MYO3A: variants seen among roughly 807,000 people sequenced by gnomAD.
The protein encoded by MYO3A is myosin-IIIa.
A neutral mutation model predicts 192.7 loss-of-function variants in MYO3A; 180 were observed. That is an observed-to-expected ratio of 0.93 (90% CI 0.83 to 1.06). The LOEUF (loss-of-function observed/expected upper bound fraction) is 1.06. Among genes scored for constraint, MYO3A ranks in the 50% least tolerant of loss-of-function variants. The probability of loss-of-function intolerance (pLI) is 0.00; values close to 1 mark genes in which losing one functional copy is unlikely to be tolerated. For missense variants in MYO3A, 1,896 were observed against 1,905.0 expected, an observed-to-expected ratio of 1.00 and a Z score of 0.09; for synonymous variants, 628 against 645.3, an observed-to-expected ratio of 0.97 and a Z score of 0.41.
intron 19 of MYO3A, 79 bp downstream of exon 19, chr10:26,125,687 G>A (rs1368970205): frequency 5.8e-6 from 7 of 1,215,774 alleles, no homozygotes; most frequent in Non-Finnish European, 8.5e-6. Flanking sequence ...GTTTTGTATA[G>A]ATCTCTTTCA....
chr10:26,113,407 T>C (rs1838311140), intron 17 of MYO3A, among the ~76,000 whole-genome samples: 1 of 151,360 alleles, frequency 6.6e-6, no homozygotes, highest in African/African-American at 2.4e-5. Context: ...GAGGTGGAGG[T>C]TGCAGTGAGC....
rs201464088 is a variant in MYO3A at position 26,096,370 on chromosome 10, T to G, written c.1563-11T>G. 6.4e-7 allele frequency: 1 copy of G among 1,559,916 alleles called. No individual in the cohort carries two copies. Among genetic ancestry groups the G allele is most frequent in the East Asian group, 2.2e-5 (1 of 44,508 alleles). ...TACTAACTACCTTACTGTAAATATC[T>G]TTTTTTCCAGTGGAGAAAAAAATTT... On this transcript the variant is annotated splice_polypyrimidine_tract_variant and intron_variant, in intron 15 of 34. Transcript: ENST00000642920.
chr10:26,031,752 C>A (rs1269115682), intron 10 of MYO3A, among the ~76,000 whole-genome samples: 1 of 152,228 alleles, frequency 6.6e-6, no homozygotes. Context: ...CCTGCATCAG[C>A]CTCCTGAGTA....
At chr10:26,042,319 T>G (rs1409334750) in intron 10 of MYO3A, among the ~76,000 whole-genome samples, 1 of 152,172 alleles carries the variant, frequency 6.6e-6, no homozygotes, top group Non-Finnish European at 1.5e-5. Context: ...TTAAATCTGC[T>G]TGGCATTCTA....
chr10:26,138,189 A>G (rs1053754287), intron 20 of MYO3A, among the ~76,000 whole-genome samples: 2 of 152,234 alleles, frequency 1.3e-5, no homozygotes, highest in African/African-American at 2.4e-5. Flanking sequence ...TCAGGTGGGC[A>G]TCACGGTCCT....
chr10:25,997,376 T>C, intron 6 of MYO3A, 118 bp downstream of exon 6: 1 of 796,078 alleles, frequency 1.3e-6, no homozygotes, highest in Admixed American at 2.0e-5. Flanking sequence ...AAATCAGTAG[T>C]ATCTTATTGA....
At chr10:25,973,598 A>G (rs1332439280) in intron 4 of MYO3A, among the ~76,000 whole-genome samples, 2 of 152,108 alleles carry the variant, frequency 1.3e-5, no homozygotes, top group Non-Finnish European at 2.9e-5. Context: ...CTCATTCAGT[A>G]TTTTATTGGA....
chr10:26,011,580 A>G (rs1289792412), intron 6 of MYO3A, among the ~76,000 whole-genome samples: 1 of 152,208 alleles, frequency 6.6e-6, no homozygotes, highest in African/African-American at 2.4e-5. Flanking sequence ...GAAGTAATGG[A>G]AACCTTAAAC....
intron 3 of MYO3A, among the ~76,000 whole-genome samples, chr10:25,952,807 A>G (rs2130558015): frequency 6.6e-6 from 1 of 151,024 alleles, no homozygotes; most frequent in African/African-American, 2.4e-5. Context: ...CCTTATTGTG[A>G]AGAATTAAAT....
chr10:26,048,469 T>C (rs553241658), intron 10 of MYO3A, among the ~76,000 whole-genome samples: 21 of 152,232 alleles, frequency 1.4e-4, no homozygotes, highest in Non-Finnish European at 3.1e-4. Context: ...GTCTTGGAAC[T>C]AGAAATTGAA....
At chr10:26,083,982 A>C (rs1393490951) in intron 14 of MYO3A, among the ~76,000 whole-genome samples, 1 of 152,216 alleles carries the variant, frequency 6.6e-6, no homozygotes, top group Non-Finnish European at 1.5e-5. Flanking sequence ...AAATCACAGC[A>C]AGACCAGCAA....
chr10:26,201,053 G>A (rs1033237251), intron 32 of MYO3A: 1 of 248,102 alleles, frequency 4.0e-6, no homozygotes, highest in African/African-American at 2.3e-5. Context: ...ATTCGTTTCA[G>A]TTTAGGTGTG....
intron 6 of MYO3A, among the ~76,000 whole-genome samples, chr10:25,999,483 T>C (rs918203666): frequency 6.6e-6 from 1 of 152,190 alleles, no homozygotes; most frequent in Admixed American, 6.5e-5. Flanking sequence ...GGGGTGTACA[T>C]TTATACTGAA....
At chr10:26,056,235 C>T (rs1009076418) in intron 10 of MYO3A, among the ~76,000 whole-genome samples, 9 of 151,660 alleles carry the variant, frequency 5.9e-5, no homozygotes, top group Non-Finnish European at 1.2e-4. Context: ...AGACTGGACT[C>T]AGTGGAGAAA....
chr10:25,976,706 T>C (rs1311210586), intron 4 of MYO3A, among the ~76,000 whole-genome samples: 1 of 152,174 alleles, frequency 6.6e-6, no homozygotes, highest in Non-Finnish European at 1.5e-5. Context: ...AGGAAAATTA[T>C]ACTTCAATTT....
At chr10:26,178,823 A>G (rs1300137399) in intron 31 of MYO3A, among the ~76,000 whole-genome samples, 1 of 151,466 alleles carries the variant, frequency 6.6e-6, no homozygotes, top group East Asian at 2.0e-4. Flanking sequence ...TATTTTTGAG[A>G]CAGAGTCTTG....
intron 2 of MYO3A, among the ~76,000 whole-genome samples, chr10:25,941,841 A>T (rs1836508490): frequency 6.6e-6 from 1 of 152,128 alleles, no homozygotes; most frequent in Non-Finnish European, 1.5e-5. Context: ...ATCTCATATG[A>T]GTGGAATCAT....
At chr10:26,131,074 G>C (rs1839505569) in intron 20 of MYO3A, among the ~76,000 whole-genome samples, 1 of 152,112 alleles carries the variant, frequency 6.6e-6, no homozygotes, top group African/African-American at 2.4e-5. Flanking sequence ...AAATGATCCG[G>C]CCAGATCTCG....
intron 14 of MYO3A, among the ~76,000 whole-genome samples, chr10:26,078,795 T>G (rs577860677): frequency 6.6e-6 from 1 of 152,292 alleles, no homozygotes; most frequent in South Asian, 2.1e-4. Flanking sequence ...GTTATTTGAT[T>G]TCCATGTATT....
Sources: allele counts gnomAD v4.1 joint callset (sites outside exome capture counted in the v4.1 genomes callset), GRCh38; gene constraint gnomAD v4.1.1; transcripts MANE v1.5; gene names NCBI Gene and HGNC (gene_info 2026-07-23, HGNC 2026-07-21).